KIAA1328: variants seen among roughly 807,000 people sequenced by gnomAD.
The protein encoded by KIAA1328 is KIAA1328.
KIAA1328 carries 52 observed loss-of-function variants against 68.1 expected under a neutral mutation model. The ratio of observed to expected loss-of-function variants is 0.76; its 90% CI spans 0.61 to 0.96. The LOEUF (loss-of-function observed/expected upper bound fraction) is 0.96, where lower values mean the gene tolerates loss of function less well. Among genes scored for constraint, KIAA1328 ranks in the 40% least tolerant of loss-of-function variants. The pLI is 0.00. For synonymous variants in KIAA1328, 232 were observed against 239.4 expected, an observed-to-expected ratio of 0.97 and a Z score of 0.28; for missense variants, 641 against 677.6, an observed-to-expected ratio of 0.95 and a Z score of 0.60.
At chr18:37,105,996 A>C (rs1186294191) in intron 7 of KIAA1328, among the ~76,000 whole-genome samples, 1 of 151,164 alleles carries the variant, frequency 6.6e-6, no homozygotes, top group Non-Finnish European at 1.5e-5. Flanking sequence ...ATTATCCCTT[A>C]AACATGGAAT....
At chr18:37,106,155 C>A (rs1279137746) in intron 7 of KIAA1328, among the ~76,000 whole-genome samples, 4 of 151,656 alleles carry the variant, frequency 2.6e-5, no homozygotes. Flanking sequence ...AATAAAATGT[C>A]ATTTATCCAT....
chr18:36,927,721 G>T (rs2050169256), intron 5 of KIAA1328, among the ~76,000 whole-genome samples: 1 of 151,990 alleles, frequency 6.6e-6, no homozygotes, highest in Admixed American at 6.6e-5. Flanking sequence ...TCATGCCACT[G>T]CATTCCACCC....
In KIAA1328 at chr18:37,223,618, G is replaced by A. The variant is rs1411862959; in HGVS notation, c.*1391G>A. 3.0e-6 allele frequency: 3 copies of A among 985,242 alleles called. No individual in the cohort carries two copies. The highest frequency in any genetic ancestry group is 3.6e-6 in the Non-Finnish European group (3 of 829,934). The allele number at this position is 985,242 out of a possible 1,614,324, so 61.0% of individuals were successfully genotyped here. A position where few individuals can be genotyped will look rare whatever the true frequency, so the allele number is the denominator to read the frequency against. ...CTAAACTGGGAGTAAGACTTAGTCAGTGTTGGTAGACAAAGTCATACCACC... is the reference window on the plus strand; with the variant it reads ...CTAAACTGGGAGTAAGACTTAGTCAATGTTGGTAGACAAAGTCATACCACC... On this transcript the variant is annotated 3_prime_UTR_variant, in exon 10 of 10. Transcript: ENST00000280020.
intron 5 of KIAA1328, among the ~76,000 whole-genome samples, chr18:36,900,602 C>A (rs944670182): frequency 1.3e-4 from 20 of 151,786 alleles, no homozygotes; most frequent in Admixed American, 9.9e-4. Flanking sequence ...TTTACATAAG[C>A]GTACATCCCA....
chr18:36,850,145 G>A (rs538944001), intron 4 of KIAA1328, among the ~76,000 whole-genome samples: 17 of 152,032 alleles, frequency 1.1e-4, no homozygotes, highest in South Asian at 6.3e-4. Context: ...CATTCTGTGC[G>A]TTGTTTTTTC....
At chr18:36,829,282 A>G (rs2046367963) in intron 1 of KIAA1328, 86 bp downstream of exon 1, 1 of 1,439,586 alleles carries the variant, frequency 6.9e-7, no homozygotes, top group Non-Finnish European at 9.1e-7. Flanking sequence ...CCGAGAGCGG[A>G]GGAGAAGCTC....
intron 4 of KIAA1328, among the ~76,000 whole-genome samples, chr18:36,883,950 A>G (rs1327809165): frequency 2.1e-5 from 3 of 144,526 alleles, no homozygotes; most frequent in African/African-American, 8.0e-5. Context: ...CATATTTATA[A>G]AGTATATATA....
intron 5 of KIAA1328, among the ~76,000 whole-genome samples, chr18:36,923,578 T>G (rs977952526): frequency 6.6e-6 from 1 of 152,122 alleles, no homozygotes; most frequent in African/African-American, 2.4e-5. Flanking sequence ...GATTTGTATA[T>G]CATTAAAGAA....
At chr18:36,912,073 C>T (rs12185461) in intron 5 of KIAA1328, among the ~76,000 whole-genome samples, 20,694 of 152,062 alleles carry the variant, frequency 0.14, 1,756 homozygotes, top group Admixed American at 0.18. Context: ...ACACCCTTTT[C>T]CCCTTCAAAT....
intron 6 of KIAA1328, among the ~76,000 whole-genome samples, chr18:37,055,220 T>C (rs1245100664): frequency 6.6e-6 from 1 of 152,200 alleles, no homozygotes; most frequent in Non-Finnish European, 1.5e-5. Context: ...GATATCTATA[T>C]GTTAAATGAC....
chr18:37,174,368 G>C (rs1455371418), intron 9 of KIAA1328, among the ~76,000 whole-genome samples: 2 of 147,886 alleles, frequency 1.4e-5, no homozygotes, highest in Non-Finnish European at 3.0e-5. Flanking sequence ...TTTCACTGTT[G>C]CTGCTTTCTT....
At chr18:37,077,932 C>G (rs2056804640) in intron 7 of KIAA1328, among the ~76,000 whole-genome samples, 1 of 152,068 alleles carries the variant, frequency 6.6e-6, no homozygotes, top group Non-Finnish European at 1.5e-5. Flanking sequence ...CAATGCCATT[C>G]CCATCAACCT....
At chr18:36,844,389 T>G in intron 4 of KIAA1328, 87 bp downstream of exon 4, 3 of 780,540 alleles carry the variant, frequency 3.8e-6, no homozygotes, top group Non-Finnish European at 3.8e-6. Context: ...TTTTGATGAC[T>G]TAATATCTTT....
chr18:36,868,017 T>C lies in KIAA1328; in HGVS notation c.333-17540T>C, dbSNP rs34250790. 4.6e-5 allele frequency among the ~76,000 whole-genome samples: 7 copies of C among 152,262 alleles called. No homozygotes were observed. In the East Asian group the frequency reaches 5.8e-4, roughly 13 times the overall value. ...AGAAAACAGATTAAAGTGCCTGATA[T>C]GGTTTTCAGTAATCTATGGATGTCT... On this transcript the variant is annotated intron_variant, in intron 4 of 9. Transcript: ENST00000280020.
chr18:37,097,417 T>G (rs1393442988), intron 7 of KIAA1328, among the ~76,000 whole-genome samples: 1 of 152,228 alleles, frequency 6.6e-6, no homozygotes, highest in Non-Finnish European at 1.5e-5. Context: ...GGCTCTGTTC[T>G]GTTCCATTGA....
intron 9 of KIAA1328, among the ~76,000 whole-genome samples, chr18:37,193,391 CAA>C (rs1457735568): frequency 6.6e-6 from 1 of 152,046 alleles, no homozygotes; most frequent in South Asian, 2.1e-4. Context: ...ATGGAATAAA[CAA>C]AGAGTATAGT....
intron 9 of KIAA1328, among the ~76,000 whole-genome samples, chr18:37,205,872 T>G (rs991206630): frequency 6.6e-6 from 1 of 152,154 alleles, no homozygotes; most frequent in Non-Finnish European, 1.5e-5. Context: ...TGGGTAAAGG[T>G]TTACTCAGGT....
chr18:36,889,794 G>A (rs746531648), intron 5 of KIAA1328, among the ~76,000 whole-genome samples: 2 of 152,082 alleles, frequency 1.3e-5, no homozygotes, highest in Non-Finnish European at 2.9e-5. Context: ...ACTAACCCAG[G>A]TTTCTCATTT....
intron 6 of KIAA1328, among the ~76,000 whole-genome samples, chr18:37,049,520 G>A (rs1262687816): frequency 6.6e-6 from 1 of 152,120 alleles, no homozygotes; most frequent in East Asian, 1.9e-4. Flanking sequence ...CACAATGTTA[G>A]TTAAAAGATT....
Sources: gnomAD v4.1 joint callset for allele counts (sites outside exome capture counted in the v4.1 genomes callset) on GRCh38, gnomAD v4.1.1 for gene constraint, MANE v1.5 for transcripts, NCBI Gene and HGNC (gene_info 2026-07-23, HGNC 2026-07-21) for gene names.